The following NWD2 variants were observed in gnomAD, a reference collection of about 807,000 sequenced individuals.
NWD2 encodes NACHT and WD repeat domain containing 2, also known as NACHT and WD repeat domain-containing protein 2.
In NWD2, 37 loss-of-function variants were observed where a neutral mutation model predicts 132.7. The observed-to-expected ratio is 0.28, with a 90% CI of 0.21 to 0.37. NWD2 has a LOEUF of 0.37. Ranked by LOEUF, NWD2 falls within the 10% of genes least tolerant of loss-of-function variation. The pLI, the probability that NWD2 is intolerant of heterozygous loss-of-function variation, is 1.00. For missense variants in NWD2, 1,592 were observed against 2,122.4 expected, an observed-to-expected ratio of 0.75 and a Z score of 4.91; for synonymous variants, 705 against 803.0, an observed-to-expected ratio of 0.88 and a Z score of 2.06.
intron 3 of NWD2, among the ~76,000 whole-genome samples, chr4:37,356,992 C>A (rs1409637498): frequency 6.6e-6 from 1 of 152,106 alleles, no homozygotes; most frequent in Non-Finnish European, 1.5e-5. Context: ...GCTACATGTT[C>A]ATTATAAGCT....
intron 1 of NWD2, among the ~76,000 whole-genome samples, chr4:37,294,476 A>G (rs1718437607): frequency 6.6e-6 from 1 of 152,184 alleles, no homozygotes; most frequent in African/African-American, 2.4e-5. Flanking sequence ...AGAAGGATAC[A>G]TTGCAGACCC....
chr4:37,275,531 C>T (rs1560382734), intron 1 of NWD2, among the ~76,000 whole-genome samples: 1 of 152,084 alleles, frequency 6.6e-6, no homozygotes, highest in Non-Finnish European at 1.5e-5. Flanking sequence ...AATGCCATCC[C>T]CATCAATCTA....
At chr4:37,303,518 T>G (rs1041117947) in intron 1 of NWD2, among the ~76,000 whole-genome samples, 2 of 152,184 alleles carry the variant, frequency 1.3e-5, no homozygotes, top group African/African-American at 4.8e-5. Flanking sequence ...TGATAGAGAT[T>G]ACATTGAATC....
At chr4:37,285,018 A>G (rs1475441290) in intron 1 of NWD2, among the ~76,000 whole-genome samples, 1 of 152,196 alleles carries the variant, frequency 6.6e-6, no homozygotes, top group Non-Finnish European at 1.5e-5. Flanking sequence ...ATGTGTAAGT[A>G]CAGGTAGGGA....
intron 1 of NWD2, among the ~76,000 whole-genome samples, chr4:37,323,780 A>G (rs139844965): frequency 2.0e-5 from 3 of 152,248 alleles, no homozygotes; most frequent in Non-Finnish European, 2.9e-5. Flanking sequence ...AAAGATATGG[A>G]ATCAACCTAG....
At chr4:37,403,083 T>A (rs964698651) in intron 3 of NWD2, among the ~76,000 whole-genome samples, 2 of 152,208 alleles carry the variant, frequency 1.3e-5, no homozygotes, top group South Asian at 2.1e-4. Flanking sequence ...AGAAAAGGTG[T>A]GGAGAAGATT....
chr4:37,322,657 G>A (rs922364875), intron 1 of NWD2, among the ~76,000 whole-genome samples: 2 of 152,182 alleles, frequency 1.3e-5, no homozygotes, highest in African/African-American at 4.8e-5. Flanking sequence ...GGAAAAATCA[G>A]TCTGGTTGCT....
In NWD2 at chr4:37,318,214, A is replaced by G. The variant is rs1330951271; in HGVS notation, c.152-7722A>G. On this transcript the variant is annotated intron_variant, in intron 1 of 6. Coordinates refer to ENST00000309447, the MANE Select transcript of NWD2 (RefSeq NM_001144990.2). ...TAATTTTTGTATTTTTTTAGTAGAG[A>G]TGGGGTTTCACCATGTTGGCCAGGC... 2.6e-5 allele frequency among the ~76,000 whole-genome samples: 4 copies of G among 151,584 alleles called. No individual in the cohort carries two copies. The East Asian group carries it at 7.7e-4, about 29-fold the overall frequency.
chr4:37,444,473 G>C lies in NWD2; in HGVS notation c.2485G>C (p.Val829Leu). 1 of 1,551,762 alleles carries C rather than the reference G, an allele frequency of 6.4e-7. No homozygotes were observed. Among genetic ancestry groups the C allele is most frequent in the African/African-American group, 1.4e-5 (1 of 73,128 alleles). The stretch of plus-strand genomic sequence containing the variant: ...TCCCCTGGAACCTGACATCTTTTTC[G>C]TTAATCATCGGAAAATGTCTGAGCT... Reference protein sequence around the residue: ...CNPLEPDIFFVNHRKMSELLY... With the variant: ...CNPLEPDIFFLNHRKMSELLY... The change falls in exon 7 of 7, where the codon GTT becomes CTT. Residue 829 changes from valine to leucine, a missense_variant. Val to Leu is a conservative substitution (Grantham distance 32). Coordinates refer to ENST00000309447, the MANE Select transcript of NWD2 (RefSeq NM_001144990.2). The surrounding 1 kb of genome is among the most constrained non-coding windows in gnomAD (Gnocchi z 4.8).
chr4:37,372,441 C>A (rs1720247583), intron 3 of NWD2, among the ~76,000 whole-genome samples: 1 of 152,144 alleles, frequency 6.6e-6, no homozygotes, highest in Non-Finnish European at 1.5e-5. Flanking sequence ...GGCATGAACC[C>A]AGGTAGGCTG....
chr4:37,310,456 A>C (rs1379540379), intron 1 of NWD2, among the ~76,000 whole-genome samples: 3 of 152,180 alleles, frequency 2.0e-5, no homozygotes, highest in African/African-American at 4.8e-5. Flanking sequence ...GTGAATTTTT[A>C]CTGGAAACTT....
At chr4:37,258,665 T>C (rs889292024) in intron 1 of NWD2, among the ~76,000 whole-genome samples, 1 of 152,152 alleles carries the variant, frequency 6.6e-6, no homozygotes, top group Non-Finnish European at 1.5e-5. Flanking sequence ...CAGTCTTGAG[T>C]GTCAGCAGGT....
intron 3 of NWD2, among the ~76,000 whole-genome samples, chr4:37,401,126 T>C (rs1377295674): frequency 6.6e-6 from 1 of 152,208 alleles, no homozygotes; most frequent in Non-Finnish European, 1.5e-5. Context: ...TAGAACAGCT[T>C]GTAATGTCAA....
intron 3 of NWD2, among the ~76,000 whole-genome samples, chr4:37,388,961 T>C (rs1720628858): frequency 6.6e-6 from 1 of 151,106 alleles, no homozygotes; most frequent in African/African-American, 2.4e-5. Flanking sequence ...TCCAGAAACA[T>C]GGAGAGTTGA....
intron 3 of NWD2, among the ~76,000 whole-genome samples, chr4:37,408,334 G>A (rs1025932150): frequency 5.3e-5 from 8 of 152,142 alleles, no homozygotes; most frequent in African/African-American, 1.9e-4. Context: ...TGGGGCACTC[G>A]AGCTTGCTTG....
chr4:37,418,952 C>T (rs910258420), intron 3 of NWD2, among the ~76,000 whole-genome samples: 15 of 150,868 alleles, frequency 9.9e-5, no homozygotes, highest in Non-Finnish European at 2.1e-4. Flanking sequence ...TTTTTATTGG[C>T]TGCATAAGAA....
Position 37,245,036 on chromosome 4 carries a change from G to A in NWD2, c.-32G>A, listed in dbSNP as rs1374860101. 6.5e-7 allele frequency: 1 copy of A among 1,541,080 alleles called. No individual in the cohort carries two copies. The highest frequency in any genetic ancestry group is 8.7e-7 in the Non-Finnish European group (1 of 1,146,164). On this transcript the variant is annotated 5_prime_UTR_variant, in exon 1 of 7. Transcript: ENST00000309447. ...GGAACCCGAGGAGCAGGAGGTGGCGGCGGCGGCAGTGGCTGTTCCTCCCAG... is the reference window on the plus strand; with the variant it reads ...GGAACCCGAGGAGCAGGAGGTGGCGACGGCGGCAGTGGCTGTTCCTCCCAG...
intron 4 of NWD2, among the ~76,000 whole-genome samples, chr4:37,432,716 C>A (rs971724309): frequency 6.6e-6 from 1 of 152,044 alleles, no homozygotes; most frequent in Non-Finnish European, 1.5e-5. Flanking sequence ...TTAAACAGTT[C>A]ATTTATATTC....
At chr4:37,424,962 C>A (rs1711950328) in intron 3 of NWD2, among the ~76,000 whole-genome samples, 1 of 151,936 alleles carries the variant, frequency 6.6e-6, no homozygotes, top group African/African-American at 2.4e-5. Flanking sequence ...TCAATATTTG[C>A]CCAATGGAAA....
Sources: allele counts gnomAD v4.1 joint callset (sites outside exome capture counted in the v4.1 genomes callset), GRCh38; gene constraint gnomAD v4.1.1; non-coding constraint Gnocchi (gnomAD v3.1); transcripts MANE v1.5; gene names NCBI Gene and HGNC (gene_info 2026-07-23, HGNC 2026-07-21).